Variants in KIF21A observed in about 807,000 individuals in gnomAD.
KIF21A encodes the protein kinesin family member 21A, also known as kinesin-like protein KIF21A.
In KIF21A, 114 loss-of-function variants were observed where a neutral mutation model predicts 202.9. The ratio of observed to expected loss-of-function variants is 0.56; its 90% CI spans 0.48 to 0.66. The LOEUF is 0.66. Ranked by LOEUF, KIF21A falls within the 30% of genes least tolerant of loss-of-function variation. The probability of loss-of-function intolerance (pLI) is 0.00; values close to 1 mark genes in which losing one functional copy is unlikely to be tolerated. For synonymous variants in KIF21A, 667 were observed against 670.8 expected (o/e 0.99, Z 0.09); for missense variants, 1,677 against 1,994.9 (o/e 0.84, Z 3.04).
intron 37 of KIF21A, among the ~76,000 whole-genome samples, chr12:39,301,160 T>C (rs1005295360): frequency 6.6e-6 from 1 of 152,210 alleles, no homozygotes; most frequent in Admixed American, 6.5e-5. Context: ...GGCAAATTTG[T>C]TGCCTTTCTG....
Position 39,351,996 on chromosome 12 carries a change from A to G in KIF21A, c.1470-16T>C. ...TAATTTTGCCCTAGCAAATAAAAAT[A>G]TATTTAAATAGGGAGCATTTTTCTC... On this transcript the variant is annotated splice_polypyrimidine_tract_variant and intron_variant, in intron 10 of 37. Coordinates refer to ENST00000361418, the MANE Select transcript of KIF21A (RefSeq NM_001173464.2). The G allele has an allele frequency of 6.4e-7, 1 of 1,570,634 alleles. No individual in the cohort carries two copies.
chr12:39,406,039 A>G (rs1952563136), intron 1 of KIF21A, among the ~76,000 whole-genome samples: 1 of 152,146 alleles, frequency 6.6e-6, no homozygotes, highest in African/African-American at 2.4e-5. Flanking sequence ...AGTCAAAGAA[A>G]GCTTAGAACA....
intron 10 of KIF21A, among the ~76,000 whole-genome samples, chr12:39,356,118 G>A (rs370001728): frequency 9.9e-5 from 15 of 152,200 alleles, no homozygotes; most frequent in South Asian, 4.1e-4. Context: ...ACGGGAAACC[G>A]TGGAACCTGA....
chr12:39,411,856 A>T (rs1047281379), intron 1 of KIF21A, among the ~76,000 whole-genome samples: 1 of 151,726 alleles, frequency 6.6e-6, no homozygotes, highest in African/African-American at 2.4e-5. Context: ...TTTTTTTTTT[A>T]AACAGTCTCC....
chr12:39,389,760 T>C (rs1387316541), intron 1 of KIF21A, among the ~76,000 whole-genome samples: 1 of 152,214 alleles, frequency 6.6e-6, no homozygotes, highest in Non-Finnish European at 1.5e-5. Context: ...ATTTTTTTTC[T>C]GAGGTATCTA....
At position 39,442,823 on chromosome 12, in the gene KIF21A, C is replaced by G. The variant is rs11838346; in HGVS notation, c.44+104G>C. On this transcript the variant is annotated intron_variant, in intron 1 of 37. Coordinates refer to ENST00000361418, the MANE Select transcript of KIF21A (RefSeq NM_001173464.2). The surrounding 1 kb of genome is among the most constrained non-coding windows in gnomAD (Gnocchi z 5.0). ...GCCGCAGAACCCGGCCGGGACGCCC[C>G]TCAGGTCGCTCCACCCCGGTAGCCG... The G allele has an allele frequency of 0.012, 17,146 of 1,394,158 alleles. 1,738 individuals carry two copies. The African/African-American group carries it at 0.22, about 18-fold the overall frequency. 86.4% of individuals were successfully genotyped at this position (1,394,158 alleles called of 1,614,324 possible).
In KIF21A at chr12:39,368,031, A is replaced by T. The variant is rs1482050446; in HGVS notation, c.452T>A (p.Leu151His). Reference sequence around the variant, plus strand: ...TAAGTCAAGGACCTCTTCATTATAGAGCTATCAAAAAAATATTAGAAATCT... The same window carrying T: ...TAAGTCAAGGACCTCTTCATTATAGTGCTATCAAAAAAATATTAGAAATCT... ...DFKVNAQFLE[L>H]YNEEVLDLFD... The change falls in exon 4 of 38, where the codon CTC (leucine) becomes CAC (histidine). Residue 151 changes from leucine (L) to histidine (H), a missense_variant and splice_region_variant. Leu to His is a moderately conservative substitution (Grantham distance 99). Transcript: ENST00000361418. 1 of 1,572,808 alleles carries T rather than the reference A, an allele frequency of 6.4e-7. No individual in the cohort carries two copies. Among genetic ancestry groups the T allele is most frequent in the Non-Finnish European group, 8.7e-7 (1 of 1,146,016 alleles).
chr12:39,400,302 C>G (rs1952068992), intron 1 of KIF21A, among the ~76,000 whole-genome samples: 3 of 152,086 alleles, frequency 2.0e-5, no homozygotes, highest in African/African-American at 7.2e-5. Flanking sequence ...ATTTTACATT[C>G]CGGGGTACAT....
chr12:39,414,321 C>G (rs939764665), intron 1 of KIF21A, among the ~76,000 whole-genome samples: 3 of 152,186 alleles, frequency 2.0e-5, no homozygotes, highest in African/African-American at 7.2e-5. Flanking sequence ...CAAAAGTGCT[C>G]ACTATGAAAC....
intron 28 of KIF21A, among the ~76,000 whole-genome samples, chr12:39,318,717 C>T (rs1300935941): frequency 6.6e-6 from 1 of 152,192 alleles, no homozygotes; most frequent in Non-Finnish European, 1.5e-5. Context: ...CACGGTGGCT[C>T]ACGCCTGTAA....
intron 35 of KIF21A, among the ~76,000 whole-genome samples, chr12:39,304,569 T>C (rs1340749452): frequency 6.6e-6 from 1 of 152,204 alleles, no homozygotes; most frequent in Admixed American, 6.5e-5. Flanking sequence ...ATAAGACTCA[T>C]GTATGAGTTG....
At chr12:39,361,076 A>G (rs1429163514) in intron 7 of KIF21A, among the ~76,000 whole-genome samples, 3 of 152,258 alleles carry the variant, frequency 2.0e-5, no homozygotes, top group Non-Finnish European at 4.4e-5. Context: ...GGTGAGGAAC[A>G]TGAGACTATT....
rs1225478930 is a variant in KIF21A at position 39,363,347 on chromosome 12, A to T, written c.904-134T>A. Reference sequence around the variant, plus strand: ...GAATATTTGTGTTTGGTTTTGTTTTACATTTGTAACCAATGTCACTGAAAA... The same window carrying T: ...GAATATTTGTGTTTGGTTTTGTTTTTCATTTGTAACCAATGTCACTGAAAA... On this transcript the variant is annotated intron_variant, in intron 6 of 37. Transcript: ENST00000361418. The T allele has an allele frequency of 6.6e-6, 4 of 609,270 alleles. No individual in the cohort carries two copies. The African/African-American group carries it at 7.4e-5, about 11-fold the overall frequency. 37.7% of individuals were successfully genotyped at this position (609,270 alleles called of 1,614,324 possible).
In KIF21A at chr12:39,423,983, CAAAAAAAAAAAA is replaced by C. The variant is rs35526386; in HGVS notation, c.44+18932_44+18943del. Among the ~76,000 whole-genome samples the C allele has an allele frequency of 8.0e-3, 206 of 25,670 alleles. 1 individual carries two copies. The highest frequency in any genetic ancestry group is 0.017 in the African/African-American group (175 of 10,282). The allele number at this position is 25,670 out of a possible 152,430, so 16.8% of individuals were successfully genotyped here. A position where few individuals can be genotyped will look rare whatever the true frequency, so the allele number is the denominator to read the frequency against. ...TGGGGGACAGAGCAAGACTCTGTCT[CAAAAAAAAAAAA>C]AAAAAAAAAAAAAAAAAGGCAGTCA... On this transcript the variant is annotated intron_variant, in intron 1 of 37. Coordinates refer to ENST00000361418, the MANE Select transcript of KIF21A (RefSeq NM_001173464.2).
At chr12:39,305,617 G>A (rs1943398389) in intron 34 of KIF21A, among the ~76,000 whole-genome samples, 1 of 152,050 alleles carries the variant, frequency 6.6e-6, no homozygotes, top group South Asian at 2.1e-4. Flanking sequence ...TGATGCAAAC[G>A]GGAGAGTCAT....
intron 1 of KIF21A, among the ~76,000 whole-genome samples, chr12:39,371,777 A>C (rs965993664): frequency 3.3e-5 from 5 of 152,054 alleles, no homozygotes; most frequent in Non-Finnish European, 5.9e-5. Context: ...TAAAAATAGA[A>C]AAATTAGCCC....
At chr12:39,358,399 C>T (rs777132625) in intron 7 of KIF21A, 26 bp from the exon 8 acceptor site, 15 of 1,595,916 alleles carry the variant, frequency 9.4e-6, no homozygotes, top group Middle Eastern at 1.7e-4. Flanking sequence ...AATAGTTAGG[C>T]TTACACATAA....
In KIF21A at chr12:39,332,754, T is replaced by C. The variant is rs779298737; in HGVS notation, c.2703-10A>G. The stretch of plus-strand genomic sequence containing the variant: ...CCTCTGATATTTTTTCCTATAATCA[T>C]ATAAAACAGACAAGCTCAATTACTT... On this transcript the variant is annotated splice_polypyrimidine_tract_variant and intron_variant, in intron 19 of 37. Transcript: ENST00000361418. 1.2e-6 allele frequency: 2 copies of C among 1,613,830 alleles called. No homozygotes were observed. Among genetic ancestry groups the C allele is most frequent in the African/African-American group, 1.3e-5 (1 of 74,904 alleles).
intron 1 of KIF21A, among the ~76,000 whole-genome samples, chr12:39,396,640 C>G (rs145406813): frequency 1.3e-5 from 2 of 152,234 alleles, no homozygotes; most frequent in Non-Finnish European, 2.9e-5. Context: ...AGAATACTTA[C>G]GATAACTCCC....
Sources: gnomAD v4.1 joint callset for allele counts (sites outside exome capture counted in the v4.1 genomes callset) on GRCh38, gnomAD v4.1.1 for gene constraint, Gnocchi (gnomAD v3.1) non-coding constraint, MANE v1.5 for transcripts, NCBI Gene and HGNC (gene_info 2026-07-23, HGNC 2026-07-21) for gene names.